The following SORCS2 variants were observed in gnomAD, a reference collection of about 807,000 sequenced individuals.
SORCS2 encodes the protein sortilin related VPS10 domain containing receptor 2, also known as VPS10 domain-containing receptor SorCS2.
SORCS2 carries 100 observed loss-of-function variants against 141.6 expected under a neutral mutation model. That is an observed-to-expected ratio of 0.71 (90% CI 0.60 to 0.83). The LOEUF (loss-of-function observed/expected upper bound fraction) is 0.83, where lower values mean the gene tolerates loss of function less well. SORCS2 is among the 40% of genes least tolerant of loss of function. The pLI is 0.00. For missense variants in SORCS2, 1,646 were observed against 1,560.2 expected (o/e 1.05, Z -0.93); for synonymous variants, 789 against 676.9 (o/e 1.17, Z -2.57).
chr4:7,724,248 CGTTGGT>C (rs1560113238), intron 19 of SORCS2, among the ~76,000 whole-genome samples: 1 of 128,048 alleles, frequency 7.8e-6, no homozygotes, highest in East Asian at 2.3e-4. Flanking sequence ...ATGATGGTGA[CGTTGGT>C]GTTGGTGATG....
chr4:7,342,524 G>A (rs1308553114), intron 1 of SORCS2, among the ~76,000 whole-genome samples: 1 of 152,146 alleles, frequency 6.6e-6, no homozygotes, highest in Non-Finnish European at 1.5e-5. Flanking sequence ...GCCTCTGGGG[G>A]CTGTCTTGGG....
chr4:7,656,801 G>A (rs1484701642), intron 5 of SORCS2, among the ~76,000 whole-genome samples: 1 of 152,226 alleles, frequency 6.6e-6, no homozygotes, highest in Non-Finnish European at 1.5e-5. Flanking sequence ...GAAGGAAGAG[G>A]TGGAGGTCTC....
At chr4:7,427,130 C>A (rs1479136388) in intron 2 of SORCS2, among the ~76,000 whole-genome samples, 9 of 152,074 alleles carry the variant, frequency 5.9e-5, no homozygotes, top group Non-Finnish European at 1.5e-5. Context: ...TGGGGAGAAT[C>A]CTGGCGCAGC....
intron 1 of SORCS2, among the ~76,000 whole-genome samples, chr4:7,298,764 G>T (rs1470822734): frequency 6.6e-6 from 1 of 152,206 alleles, no homozygotes; most frequent in Non-Finnish European, 1.5e-5. Context: ...ACATTTGTGA[G>T]CCTGAGGTCC....
intron 8 of SORCS2, among the ~76,000 whole-genome samples, chr4:7,674,991 G>A (rs541545089): frequency 6.6e-6 from 1 of 152,300 alleles, no homozygotes; most frequent in African/African-American, 2.4e-5. Flanking sequence ...TGTTCTCAGA[G>A]GGTGATGAAG....
intron 1 of SORCS2, among the ~76,000 whole-genome samples, chr4:7,331,836 G>A (rs768243060): frequency 7.9e-5 from 12 of 152,180 alleles, no homozygotes; most frequent in Non-Finnish European, 1.6e-4. Flanking sequence ...AGGATGGCAG[G>A]CGCCCCAAGT....
At chr4:7,448,601 TATCC>T (rs1483532325) in intron 2 of SORCS2, among the ~76,000 whole-genome samples, 19 of 25,588 alleles carry the variant, frequency 7.4e-4, no homozygotes, top group South Asian at 2.6e-3. Flanking sequence ...TCTCTTCCTC[TATCC>T]CTTCCTTCCT....
At chr4:7,447,200 A>G (rs576271129) in intron 2 of SORCS2, among the ~76,000 whole-genome samples, 1 of 151,960 alleles carries the variant, frequency 6.6e-6, no homozygotes, top group African/African-American at 2.4e-5. Context: ...CCTCCTTGTA[A>G]CTCCCTGCAG....
rs532505393 is a variant in SORCS2, at chr4:7,733,351, C to T, written c.3138C>T (p.Asn1046=). ...TCGCCGCCATCCAGCAGGTGCTGAA[C>T]GCACAGAAGATCAGCTTCCTCCTGC... is the stretch of plus-strand genomic sequence containing the variant. ...KRLAAIQQVL[N]AQKISFLLRG... Residue 1046 remains asparagine, a synonymous_variant, in exon 24 of 27, where the codon AAC becomes AAT. Coordinates refer to ENST00000507866, the MANE Select transcript of SORCS2 (RefSeq NM_020777.3). The T allele has an allele frequency of 1.3e-5, 20 of 1,572,352 alleles. No individual in the cohort carries two copies. The highest frequency in any genetic ancestry group is 9.3e-5 in the Admixed American group (5 of 53,644).
intron 1 of SORCS2, among the ~76,000 whole-genome samples, chr4:7,369,764 C>T (rs1722131973): frequency 1.3e-5 from 2 of 152,180 alleles, no homozygotes; most frequent in Admixed American, 6.5e-5. Flanking sequence ...GGAGCAGATC[C>T]ACCCGTGGAT....
chr4:7,258,192 A>G (rs1714042042), intron 1 of SORCS2, among the ~76,000 whole-genome samples: 1 of 152,218 alleles, frequency 6.6e-6, no homozygotes, highest in African/African-American at 2.4e-5. Flanking sequence ...GCATATGTGC[A>G]GAACGTGCAG....
At chr4:7,550,134 G>GTGTGTA (rs1179762526) in intron 3 of SORCS2, among the ~76,000 whole-genome samples, 1 of 20,424 alleles carries the variant, frequency 4.9e-5, no homozygotes, top group Non-Finnish European at 2.2e-4. Context: ...ATGTGTGTAT[G>GTGTGTA]TGTGTGTGTG....
intron 1 of SORCS2, among the ~76,000 whole-genome samples, chr4:7,289,340 C>G (rs1439723746): frequency 1.3e-5 from 2 of 152,178 alleles, no homozygotes; most frequent in Admixed American, 1.3e-4. Context: ...CTGGATTTCA[C>G]AGCTTGGAGC....
At chr4:7,386,708 GA>G (rs1723365795) in intron 1 of SORCS2, among the ~76,000 whole-genome samples, 1 of 138,478 alleles carries the variant, frequency 7.2e-6, no homozygotes, top group South Asian at 2.4e-4. Context: ...CACAGATACA[GA>G]GATACACATG....
chr4:7,654,873 T>G (rs1721660082), intron 5 of SORCS2, among the ~76,000 whole-genome samples: 1 of 152,112 alleles, frequency 6.6e-6, no homozygotes, highest in Admixed American at 6.5e-5. Context: ...TGGGGGCCCC[T>G]GTGTTCCGAT....
chr4:7,727,926 A>C (rs6815314), intron 21 of SORCS2, among the ~76,000 whole-genome samples: 3,267 of 152,312 alleles, frequency 0.021, 110 homozygotes, highest in African/African-American at 0.073. Context: ...AGCAAGTTGA[A>C]GTCCATGGAT....
chr4:7,533,678 C>A (rs1711853956), intron 3 of SORCS2, among the ~76,000 whole-genome samples: 1 of 152,222 alleles, frequency 6.6e-6, no homozygotes, highest in East Asian at 1.9e-4. Flanking sequence ...GTAACGGAAC[C>A]AAGAGAGACT....
At chr4:7,311,157 C>G (rs75798974) in intron 1 of SORCS2, among the ~76,000 whole-genome samples, 2,946 of 152,220 alleles carry the variant, frequency 0.019, 85 homozygotes, top group African/African-American at 0.068. Context: ...GTTGGCCTTT[C>G]CTAGAATTTC....
At chr4:7,229,633 C>T (rs573566964) in intron 1 of SORCS2, among the ~76,000 whole-genome samples, 2 of 152,246 alleles carry the variant, frequency 1.3e-5, no homozygotes, top group Non-Finnish European at 2.9e-5. Context: ...GCTGAGGTCA[C>T]TCCGAGGCTG....
Sources: allele counts gnomAD v4.1 joint callset (sites outside exome capture counted in the v4.1 genomes callset), GRCh38; gene constraint gnomAD v4.1.1; transcripts MANE v1.5; gene names NCBI Gene and HGNC (gene_info 2026-07-23, HGNC 2026-07-21).